KYAT3: variants seen among roughly 807,000 people sequenced by gnomAD.
KYAT3 encodes kynurenine--oxoglutarate transaminase 3.
Under a neutral mutation model 59.0 loss-of-function variants are expected in KYAT3, and 50 were observed. The observed-to-expected ratio is 0.85, with a 90% CI of 0.68 to 1.07. The LOEUF is 1.07. Among genes scored for constraint, KYAT3 ranks in the 50% least tolerant of loss-of-function variants. The pLI is 0.00. For synonymous variants in KYAT3, 148 were observed against 177.0 expected (o/e 0.84, Z 1.30); for missense variants, 497 against 533.3 (o/e 0.93, Z 0.67).
At chr1:88,983,953 CGCTAGCACT>C in intron 2 of KYAT3, 1 of 1,043,202 alleles carries the variant, frequency 9.6e-7, no homozygotes. Flanking sequence ...ACCGCGAAGC[CGCTAGCACT>C]ACTGCGCAAT....
intron 1 of KYAT3, among the ~76,000 whole-genome samples, chr1:88,989,272 T>C (rs1677642912): frequency 6.6e-6 from 1 of 152,124 alleles, no homozygotes; most frequent in Non-Finnish European, 1.5e-5. Context: ...CCCAGTAGTA[T>C]ACAAGAAGGA....
At chr1:88,982,962 C>T (rs765508223) in intron 2 of KYAT3, 1 of 1,613,720 alleles carries the variant, frequency 6.2e-7, no homozygotes, top group Admixed American at 1.7e-5. Flanking sequence ...CGTGAGTTAC[C>T]ATAACTCTCA....
At chr1:88,943,233 A>C in intron 12 of KYAT3, 117 bp downstream of exon 12, 1 of 986,148 alleles carries the variant, frequency 1.0e-6, no homozygotes, top group Non-Finnish European at 1.6e-6. Context: ...TAAAAGCCAC[A>C]AGTGGAGTAT....
chr1:88,982,409 T>C, intron 2 of KYAT3: 1 of 898,164 alleles, frequency 1.1e-6, no homozygotes, highest in South Asian at 2.0e-5. Flanking sequence ...ACACTAGTAC[T>C]ACAAGGCTTA....
intron 3 of KYAT3, 76 bp from the exon 4 acceptor site, chr1:88,968,890 C>A: frequency 8.9e-7 from 1 of 1,124,306 alleles, no homozygotes; most frequent in South Asian, 1.6e-5. Flanking sequence ...TATAGTCTTA[C>A]CACAAAACAG....
At chr1:88,986,857 C>T (rs61766153) in intron 2 of KYAT3, among the ~76,000 whole-genome samples, 8,931 of 152,190 alleles carry the variant, frequency 0.059, 446 homozygotes, top group Admixed American at 0.16. Flanking sequence ...GTTTTTCATT[C>T]GTCCAGCAAT....
At chr1:88,947,243 T>G (rs1675479362) in intron 11 of KYAT3, among the ~76,000 whole-genome samples, 1 of 152,188 alleles carries the variant, frequency 6.6e-6, no homozygotes, top group Non-Finnish European at 1.5e-5. Flanking sequence ...TAAACCCATC[T>G]GTTAGAAGTC....
intron 13 of KYAT3, among the ~76,000 whole-genome samples, chr1:88,940,028 C>CTA (rs978420564): frequency 6.6e-6 from 1 of 151,940 alleles, no homozygotes; most frequent in African/African-American, 2.4e-5. Flanking sequence ...TTATACTGTC[C>CTA]TATATAGATT....
chr1:88,988,980 T>G (rs1677630909), intron 1 of KYAT3, among the ~76,000 whole-genome samples: 1 of 152,206 alleles, frequency 6.6e-6, no homozygotes, highest in South Asian at 2.1e-4. Context: ...AAGTATAAAA[T>G]TGATATCCGT....
intron 11 of KYAT3, among the ~76,000 whole-genome samples, chr1:88,948,435 G>T (rs1675535055): frequency 6.6e-6 from 1 of 152,056 alleles, no homozygotes; most frequent in Non-Finnish European, 1.5e-5. Flanking sequence ...CTTTAGATTT[G>T]TATGGCATGT....
At chr1:88,957,554 T>C (rs924033320) in intron 8 of KYAT3, among the ~76,000 whole-genome samples, 1 of 152,226 alleles carries the variant, frequency 6.6e-6, no homozygotes, top group African/African-American at 2.4e-5. Flanking sequence ...TGCAAACAAA[T>C]TGCACTTTCT....
At chr1:88,942,832 G>C (rs989163150) in intron 13 of KYAT3, among the ~76,000 whole-genome samples, 173 bp downstream of exon 13, 1 of 151,974 alleles carries the variant, frequency 6.6e-6, no homozygotes, top group Non-Finnish European at 1.5e-5. Context: ...AAAGTGCTGC[G>C]ATTACAGGCA....
intron 4 of KYAT3, among the ~76,000 whole-genome samples, chr1:88,967,914 A>C (rs1570809117): frequency 6.6e-6 from 1 of 151,856 alleles, no homozygotes; most frequent in Admixed American, 6.6e-5. Context: ...CTGGGGAGTG[A>C]GTTATGTTGA....
intron 2 of KYAT3, 121 bp downstream of exon 2, chr1:88,988,131 C>A: frequency 1.6e-6 from 1 of 629,228 alleles, no homozygotes; most frequent in Non-Finnish European, 2.8e-6. Context: ...ACACCTTCAG[C>A]ATATGTAATA....
Position 88,955,178 on chromosome 1 carries a change from C to G in KYAT3, c.835G>C (p.Gly279Arg). The change falls in exon 9 of 14, where the codon GGA becomes CGA. Residue 279 changes from glycine to arginine, a missense_variant. By Grantham distance (125) the Gly-to-Arg change is moderately radical. Around this residue, in one of 2 missense-constraint regions of KYAT3, gnomAD observed 469 missense variants for 479.1 expected, o/e 0.98. Coordinates refer to ENST00000260508, the MANE Select transcript of KYAT3 (RefSeq NM_001008661.3). ...WERTITIGSA[G>R]KTFSVTGWKL... Reference sequence around the variant, plus strand: ...CAGCCAGTTACACTGAAAGTCTTTCCAGCACTTCCTATTGTTATTGTTCTC... The same window carrying G: ...CAGCCAGTTACACTGAAAGTCTTTCGAGCACTTCCTATTGTTATTGTTCTC... The G allele has an allele frequency of 6.2e-7, 1 of 1,612,418 alleles. No homozygotes were observed. Among genetic ancestry groups the G allele is most frequent in the East Asian group, 2.2e-5 (1 of 44,836 alleles).
intron 2 of KYAT3, chr1:88,984,133 A>G: frequency 4.7e-6 from 2 of 422,060 alleles, no homozygotes; most frequent in South Asian, 3.9e-5. Context: ...AAGATGCTTA[A>G]AGATACATAA....
At chr1:88,943,228 G>T in intron 12 of KYAT3, 122 bp downstream of exon 12, 1 of 991,442 alleles carries the variant, frequency 1.0e-6, no homozygotes, top group Non-Finnish European at 1.5e-6. Context: ...GCTTTTAAAA[G>T]CCACAAGTGG....
At chr1:88,955,851 G>A (rs1675893965) in intron 8 of KYAT3, among the ~76,000 whole-genome samples, 1 of 152,164 alleles carries the variant, frequency 6.6e-6, no homozygotes, top group Non-Finnish European at 1.5e-5. Flanking sequence ...GTGTGCATGT[G>A]TGTGTGTATG....
chr1:88,976,434 C>T (rs1676793325), intron 2 of KYAT3, among the ~76,000 whole-genome samples: 1 of 151,920 alleles, frequency 6.6e-6, no homozygotes, highest in Non-Finnish European at 1.5e-5. Flanking sequence ...GCATTAGTCA[C>T]GTGTTTGTGG....
Sources: gnomAD v4.1 joint callset for allele counts (sites outside exome capture counted in the v4.1 genomes callset) on GRCh38, gnomAD v4.1.1 for gene constraint, gnomAD v4.1.1 regional missense constraint, MANE v1.5 for transcripts, NCBI Gene and HGNC (gene_info 2026-07-23, HGNC 2026-07-21) for gene names.